Variants in PBX3 observed in about 807,000 individuals in gnomAD.
The protein encoded by PBX3 is pre-B-cell leukemia transcription factor 3.
In PBX3, 14 loss-of-function variants were observed where a neutral mutation model predicts 48.5. That is an observed-to-expected ratio of 0.29 (90% CI 0.19 to 0.45). The LOEUF (loss-of-function observed/expected upper bound fraction) is 0.45. Ranked by LOEUF, PBX3 falls within the 20% of genes least tolerant of loss-of-function variation. The pLI is 1.00. For synonymous variants in PBX3, 210 were observed against 200.3 expected, an observed-to-expected ratio of 1.05 and a Z score of -0.41; for missense variants, 386 against 546.7, an observed-to-expected ratio of 0.71 and a Z score of 2.93.
At chr9:125,834,421 G>A (rs1273395160) in intron 2 of PBX3, among the ~76,000 whole-genome samples, 1 of 151,646 alleles carries the variant, frequency 6.6e-6, no homozygotes, top group East Asian at 2.0e-4. Context: ...ATTTTTTTGA[G>A]ACCGAGTCTC....
At chr9:125,786,868 G>GTGC (rs1203430476) in intron 2 of PBX3, among the ~76,000 whole-genome samples, 2 of 151,806 alleles carry the variant, frequency 1.3e-5, no homozygotes, top group African/African-American at 4.8e-5. Context: ...GAGATTACAG[G>GTGC]TGCACACCAC....
chr9:125,966,491 G>A lies in PBX3; in HGVS notation c.*568G>A, dbSNP rs1319426046. 9 of 152,646 alleles carry A rather than the reference G, an allele frequency of 5.9e-5. No individual in the cohort carries two copies. Among genetic ancestry groups the A allele is most frequent in the Admixed American group, 3.3e-4 (5 of 15,286 alleles). 9.5% of individuals were successfully genotyped at this position (152,646 alleles called of 1,614,324 possible). The stretch of plus-strand genomic sequence containing the variant: ...GTTATAATTAGATCAGAGACTGGTA[G>A]CATCGTTTCTCTCTCTGAAAGCACC... On this transcript the variant is annotated 3_prime_UTR_variant, in exon 9 of 9. Transcript: ENST00000373489.
At chr9:125,942,721 T>C (rs1841981932) in intron 5 of PBX3, among the ~76,000 whole-genome samples, 1 of 152,176 alleles carries the variant, frequency 6.6e-6, no homozygotes, top group South Asian at 2.1e-4. Context: ...CTTTCACATG[T>C]CTTAAAAGAA....
At chr9:125,933,194 C>G (rs1181333560) in intron 4 of PBX3, among the ~76,000 whole-genome samples, 1 of 152,266 alleles carries the variant, frequency 6.6e-6, no homozygotes, top group Non-Finnish European at 1.5e-5. Flanking sequence ...GCAAGGGGCT[C>G]TGCTCTAGGC....
Position 125,784,321 on chromosome 9 carries a change from G to C in PBX3, c.274+35698G>C, listed in dbSNP as rs561688919. On this transcript the variant is annotated intron_variant, in intron 2 of 8. Transcript: ENST00000373489. Reference sequence around the variant, plus strand: ...TTTTTGTATTTTTAGTACAGACGGGGTTTCGCCATGTTGGCCAGGCTGGTC... The same window carrying C: ...TTTTTGTATTTTTAGTACAGACGGGCTTTCGCCATGTTGGCCAGGCTGGTC... Among the ~76,000 whole-genome samples, 22 of 152,194 alleles carry C rather than the reference G, an allele frequency of 1.4e-4. No homozygotes were observed. The Middle Eastern group carries it at 0.01, about 71-fold the overall frequency.
At chr9:125,930,844 T>C (rs927892609) in intron 4 of PBX3, among the ~76,000 whole-genome samples, 1 of 152,214 alleles carries the variant, frequency 6.6e-6, no homozygotes, top group Non-Finnish European at 1.5e-5. Flanking sequence ...CGTGCTACCA[T>C]GATTGCTTTG....
At chr9:125,875,479 T>C (rs1167473192) in intron 2 of PBX3, among the ~76,000 whole-genome samples, 1 of 152,156 alleles carries the variant, frequency 6.6e-6, no homozygotes, top group African/African-American at 2.4e-5. Flanking sequence ...AAAGTATGTC[T>C]TTTGAAGGCT....
chr9:125,916,720 A>G (rs1043206536), intron 3 of PBX3, among the ~76,000 whole-genome samples: 1 of 152,226 alleles, frequency 6.6e-6, no homozygotes. Flanking sequence ...ATTTAATGTA[A>G]TAAAGTAAAA....
At position 125,763,738 on chromosome 9, in the gene PBX3, G is replaced by A. The variant is rs147998679; in HGVS notation, c.274+15115G>A. Among the ~76,000 whole-genome samples the A allele has an allele frequency of 1.4e-3, 215 of 152,304 alleles. 2 individuals are homozygous for A. Among genetic ancestry groups the A allele is most frequent in the African/African-American group, 4.7e-3 (195 of 41,558 alleles). ...AGCAATGATTAATGGCAGTGAGCAC[G>A]GGAACGCTGTCCCTCCTTTTACTCC... is the stretch of plus-strand genomic sequence containing the variant. On this transcript the variant is annotated intron_variant, in intron 2 of 8. Transcript: ENST00000373489.
chr9:125,870,437 C>T (rs930524918), intron 2 of PBX3, among the ~76,000 whole-genome samples: 23 of 152,128 alleles, frequency 1.5e-4, no homozygotes, highest in African/African-American at 5.1e-4. Context: ...ATAAAACCAT[C>T]ATATCAGGCT....
intron 2 of PBX3, among the ~76,000 whole-genome samples, chr9:125,867,672 A>G (rs1840016915): frequency 6.6e-6 from 1 of 151,050 alleles, no homozygotes; most frequent in Non-Finnish European, 1.5e-5. Context: ...AAAAACAAAC[A>G]AAACAAAATT....
chr9:125,957,571 A>C (rs1469053017), intron 5 of PBX3, among the ~76,000 whole-genome samples: 2 of 152,226 alleles, frequency 1.3e-5, no homozygotes, highest in Non-Finnish European at 2.9e-5. Context: ...GAGACCTTCG[A>C]TGGTACAGAG....
intron 2 of PBX3, among the ~76,000 whole-genome samples, chr9:125,808,444 G>A (rs1423998159): frequency 1.3e-5 from 2 of 152,152 alleles, no homozygotes; most frequent in African/African-American, 4.8e-5. Context: ...GGAAGGCTGA[G>A]GTGTGAGGAT....
At chr9:125,767,485 C>T (rs1836829567) in intron 2 of PBX3, among the ~76,000 whole-genome samples, 1 of 152,192 alleles carries the variant, frequency 6.6e-6, no homozygotes, top group South Asian at 2.1e-4. Flanking sequence ...TCACAGGTAT[C>T]TATGCTTGTG....
At chr9:125,927,124 ATTC>A (rs199587199) in intron 3 of PBX3, among the ~76,000 whole-genome samples, 1 of 152,246 alleles carries the variant, frequency 6.6e-6, no homozygotes, top group South Asian at 2.1e-4. Flanking sequence ...CAGATTAAGA[ATTC>A]TTCTCTTATG....
chr9:125,900,898 GA>G (rs143016961), intron 2 of PBX3, among the ~76,000 whole-genome samples: 7,358 of 151,674 alleles, frequency 0.049, 569 homozygotes, highest in African/African-American at 0.17. Flanking sequence ...AAAGTATAGG[GA>G]GATACTTTGT....
At chr9:125,949,352 C>T (rs1011646244) in intron 5 of PBX3, 1 of 1,550,388 alleles carries the variant, frequency 6.4e-7, no homozygotes, top group Admixed American at 2.0e-5. Context: ...ATCCATTCAA[C>T]CTACATTTTC....
intron 5 of PBX3, among the ~76,000 whole-genome samples, chr9:125,941,847 G>A (rs1019823286): frequency 1.3e-5 from 2 of 152,186 alleles, no homozygotes; most frequent in African/African-American, 4.8e-5. Context: ...TTACTAAGCT[G>A]TAAAAAACTT....
At chr9:125,849,711 A>G (rs956348778) in intron 2 of PBX3, among the ~76,000 whole-genome samples, 2 of 151,976 alleles carry the variant, frequency 1.3e-5, no homozygotes, top group Admixed American at 6.6e-5. Context: ...AATTATTTAT[A>G]TTTTGGCAAC....
Sources: gnomAD v4.1 joint callset for allele counts (sites outside exome capture counted in the v4.1 genomes callset) on GRCh38, gnomAD v4.1.1 for gene constraint, MANE v1.5 for transcripts, NCBI Gene and HGNC (gene_info 2026-07-23, HGNC 2026-07-21) for gene names.